The following ITGBL1 variants were observed in gnomAD, a reference collection of about 807,000 sequenced individuals.
ITGBL1 encodes the protein integrin subunit beta like 1.
ITGBL1 carries 51 observed loss-of-function variants against 68.5 expected under a neutral mutation model. The observed-to-expected ratio is 0.74, with a 90% CI of 0.59 to 0.94. The LOEUF (loss-of-function observed/expected upper bound fraction) is 0.94, where lower values mean the gene tolerates loss of function less well. Ranked by LOEUF, ITGBL1 falls within the 40% of genes least tolerant of loss-of-function variation. The probability of loss-of-function intolerance (pLI) is 0.00; values close to 1 mark genes in which losing one functional copy is unlikely to be tolerated. For missense variants in ITGBL1, 649 were observed against 647.4 expected, an observed-to-expected ratio of 1.00 and a Z score of -0.03; for synonymous variants, 209 against 227.3, an observed-to-expected ratio of 0.92 and a Z score of 0.72.
At chr13:101,605,306 G>C (rs372082823) in intron 7 of ITGBL1, among the ~76,000 whole-genome samples, 2 of 102,192 alleles carry the variant, frequency 2.0e-5, no homozygotes, top group South Asian at 7.1e-4. Context: ...ACATATATAG[G>C]CATGTATATA....
chr13:101,594,097 A>C (rs984446038), intron 6 of ITGBL1, among the ~76,000 whole-genome samples: 8 of 152,144 alleles, frequency 5.3e-5, no homozygotes, highest in East Asian at 1.9e-4. Context: ...TAAAATTCAC[A>C]TGGAACCACA....
intron 7 of ITGBL1, among the ~76,000 whole-genome samples, chr13:101,628,585 A>AC (rs2031870579): frequency 7.1e-6 from 1 of 141,742 alleles, no homozygotes; most frequent in Non-Finnish European, 1.5e-5. Context: ...GGCGTGCACC[A>AC]CCATACCCAG....
At position 101,694,284 on chromosome 13, in the gene ITGBL1, T is replaced by A. The variant is rs149486017; in HGVS notation, c.1132+1583T>A. On this transcript the variant is annotated intron_variant, in intron 8 of 10. Transcript: ENST00000376180. The stretch of plus-strand genomic sequence containing the variant: ...TTTTGTTTGTTAAGGACATGACATA[T>A]ATTAACTCATTTATTTATCATAGCA... 7.9e-5 allele frequency among the ~76,000 whole-genome samples: 12 copies of A among 152,326 alleles called. 1 individual carries two copies. The highest frequency in any genetic ancestry group is 2.9e-4 in the African/African-American group (12 of 41,582).
chr13:101,514,762 A>G (rs2049168858), intron 2 of ITGBL1, among the ~76,000 whole-genome samples: 1 of 152,052 alleles, frequency 6.6e-6, no homozygotes, highest in Non-Finnish European at 1.5e-5. Context: ...TACTGCCTTA[A>G]AAACTGGAAT....
At position 101,462,147 on chromosome 13, in the gene ITGBL1, A is replaced by G. The variant is rs59144724; in HGVS notation, c.316+8047A>G. On this transcript the variant is annotated intron_variant, in intron 2 of 10. Transcript: ENST00000376180. ...ACTCCCAAATCTCAAAACTGGAAAC[A>G]GGTTGTGAGACCTTTCTCACACCGC... is the stretch of plus-strand genomic sequence containing the variant. Among the ~76,000 whole-genome samples, 868 of 152,310 alleles carry G rather than the reference A, an allele frequency of 5.7e-3. 9 individuals are homozygous for G. Among genetic ancestry groups the G allele is most frequent in the African/African-American group, 0.02 (819 of 41,564 alleles).
In ITGBL1 at chr13:101,531,676, TGAA is replaced by T. The variant is rs757911671; in HGVS notation, c.317-36021_317-36019del. On this transcript the variant is annotated intron_variant, in intron 2 of 10. Coordinates refer to ENST00000376180, the MANE Select transcript of ITGBL1 (RefSeq NM_004791.3). ...TTTTATTAGTGATTTTGATTTTTCT[TGAA>T]GGTTTTATTTTTTTTATTTTGTTAT... 5.3e-5 allele frequency among the ~76,000 whole-genome samples: 8 copies of T among 150,442 alleles called. No individual in the cohort carries two copies. The East Asian group carries it at 1.2e-3, about 22-fold the overall frequency.
intron 7 of ITGBL1, among the ~76,000 whole-genome samples, chr13:101,661,543 C>G (rs1460661329): frequency 1.3e-5 from 2 of 152,048 alleles, no homozygotes; most frequent in Admixed American, 1.3e-4. Flanking sequence ...TTCGGGTTTC[C>G]TGAAGGATAT....
At chr13:101,580,564 T>A (rs972948662) in intron 5 of ITGBL1, among the ~76,000 whole-genome samples, 1 of 152,176 alleles carries the variant, frequency 6.6e-6, no homozygotes, top group African/African-American at 2.4e-5. Flanking sequence ...ACATTAGGTA[T>A]ATCTCCTAAT....
At chr13:101,464,137 G>A (rs886332692) in intron 2 of ITGBL1, among the ~76,000 whole-genome samples, 2 of 151,978 alleles carry the variant, frequency 1.3e-5, no homozygotes, top group Non-Finnish European at 2.9e-5. Flanking sequence ...GACCTCAGGC[G>A]ATCCACCCGC....
chr13:101,525,278 T>G (rs897686254), intron 2 of ITGBL1, among the ~76,000 whole-genome samples: 1 of 152,174 alleles, frequency 6.6e-6, no homozygotes, highest in Non-Finnish European at 1.5e-5. Context: ...TTTTCTTGTT[T>G]GGGATTCATT....
At chr13:101,568,923 T>G (rs1222337460) in intron 3 of ITGBL1, among the ~76,000 whole-genome samples, 1 of 151,976 alleles carries the variant, frequency 6.6e-6, no homozygotes. Flanking sequence ...TTAGGTCCCT[T>G]TCTGTGTTCA....
At chr13:101,500,913 C>A (rs2048931199) in intron 2 of ITGBL1, among the ~76,000 whole-genome samples, 1 of 152,160 alleles carries the variant, frequency 6.6e-6, no homozygotes, top group Non-Finnish European at 1.5e-5. Flanking sequence ...GGAATCCTAT[C>A]CCAACTTCAT....
chr13:101,623,420 T>C (rs2031662499), intron 7 of ITGBL1, among the ~76,000 whole-genome samples: 2 of 152,186 alleles, frequency 1.3e-5, no homozygotes, highest in South Asian at 4.1e-4. Flanking sequence ...TAGTTTCTTA[T>C]TCCTACCCAA....
chr13:101,492,099 G>T (rs998607446), intron 2 of ITGBL1, among the ~76,000 whole-genome samples: 1 of 152,168 alleles, frequency 6.6e-6, no homozygotes, highest in African/African-American at 2.4e-5. Context: ...ACATATGTGT[G>T]CATGTGTCTT....
rs79082428 is a variant in ITGBL1 at position 101,702,039 on chromosome 13, T to C, written c.1133-4717T>C. On this transcript the variant is annotated intron_variant, in intron 8 of 10. Coordinates refer to ENST00000376180, the MANE Select transcript of ITGBL1 (RefSeq NM_004791.3). ...TAATAAAAAATATTGTAGAAAAAAG[T>C]AGCCATAGGTCTACTTTAATTATCT... Among the ~76,000 whole-genome samples, 937 of 152,318 alleles carry C rather than the reference T, an allele frequency of 6.2e-3. 8 individuals carry two copies. Among genetic ancestry groups the C allele is most frequent in the African/African-American group, 0.021 (858 of 41,578 alleles).
intron 2 of ITGBL1, among the ~76,000 whole-genome samples, chr13:101,508,592 AG>A (rs1196847990): frequency 2.6e-5 from 4 of 152,114 alleles, no homozygotes; most frequent in Non-Finnish European, 5.9e-5. Context: ...TAAAGCTTAG[AG>A]GGTGTGTTTT....
intron 2 of ITGBL1, among the ~76,000 whole-genome samples, chr13:101,555,938 C>T (rs1239144033): frequency 6.6e-6 from 1 of 152,156 alleles, no homozygotes; most frequent in African/African-American, 2.4e-5. Flanking sequence ...TTATTTCATT[C>T]TGCAAAAGTA....
chr13:101,467,512 T>C (rs9585708), intron 2 of ITGBL1, among the ~76,000 whole-genome samples: 11,275 of 152,268 alleles, frequency 0.074, 1,403 homozygotes, highest in African/African-American at 0.26. Context: ...TCATTTTCTT[T>C]GGAAAAGGAG....
chr13:101,604,858 A>ATG (rs1393846703), intron 7 of ITGBL1, among the ~76,000 whole-genome samples: 26 of 15,728 alleles, frequency 1.7e-3, no homozygotes, highest in Non-Finnish European at 3.3e-3. Context: ...ATATATATAT[A>ATG]TATATATATA....
Sources: allele counts gnomAD v4.1 joint callset (sites outside exome capture counted in the v4.1 genomes callset), GRCh38; gene constraint gnomAD v4.1.1; transcripts MANE v1.5; gene names NCBI Gene and HGNC (gene_info 2026-07-23, HGNC 2026-07-21).